The following CHODL variants were observed in gnomAD, a reference collection of about 807,000 sequenced individuals.
The protein encoded by CHODL is transmembrane protein MT75.
CHODL carries 29 observed loss-of-function variants against 34.5 expected under a neutral mutation model. The observed-to-expected ratio is 0.84, with a 90% CI of 0.63 to 1.15. CHODL has a LOEUF of 1.15. Among genes scored for constraint, CHODL ranks in the 50% most tolerant of loss-of-function variants. CHODL has a pLI of 0.00. For synonymous variants in CHODL, 125 were observed against 116.1 expected, an observed-to-expected ratio of 1.08 and a Z score of -0.49; for missense variants, 332 against 332.5, an observed-to-expected ratio of 1.00 and a Z score of 0.01.
rs150973408 is a variant in CHODL at position 18,172,177 on chromosome 21, T to C, written c.-44-84332T>C. On this transcript the variant is annotated intron_variant, in intron 2 of 6. Coordinates refer to the CHODL transcript ENST00000400127. ...CTTTTATTTTTTTTTCTTTTGAGCC[T>C]CTTATTTGCTCCAGTTATTATCCCT... Among the ~76,000 whole-genome samples the C allele has an allele frequency of 1.7e-3, 255 of 152,288 alleles. 1 individual carries two copies. Among genetic ancestry groups the C allele is most frequent in the Admixed American group, 3.6e-3 (55 of 15,304 alleles).
chr21:17,946,438 T>C (rs1006532589), intron 1 of CHODL, among the ~76,000 whole-genome samples: 2 of 152,142 alleles, frequency 1.3e-5, no homozygotes, highest in African/African-American at 4.8e-5. Context: ...AAAGAAAAGC[T>C]GAGAGGGTTC....
chr21:18,028,293 T>A (rs537077900), intron 2 of CHODL, among the ~76,000 whole-genome samples: 1 of 137,948 alleles, frequency 7.2e-6, no homozygotes, highest in East Asian at 2.4e-4. Flanking sequence ...CTTCCTTCCT[T>A]CCTTCCTTCC....
chr21:17,994,983 C>T (rs577056705), intron 1 of CHODL, among the ~76,000 whole-genome samples: 3 of 152,086 alleles, frequency 2.0e-5, no homozygotes, highest in Non-Finnish European at 4.4e-5. Context: ...GGGGCAACCT[C>T]GCTGGTGCAC....
chr21:17,931,483 C>G (rs1018207437), intron 1 of CHODL, among the ~76,000 whole-genome samples: 1 of 152,198 alleles, frequency 6.6e-6, no homozygotes, highest in African/African-American at 2.4e-5. Context: ...AGAACTCTGG[C>G]ACCATGAAGA....
chr21:18,119,639 C>T (rs533389422), intron 2 of CHODL, among the ~76,000 whole-genome samples: 7 of 152,146 alleles, frequency 4.6e-5, no homozygotes, highest in African/African-American at 1.7e-4. Flanking sequence ...AGTTCTTTTT[C>T]AATTAAGAAG....
intron 2 of CHODL, among the ~76,000 whole-genome samples, chr21:18,201,259 A>G (rs1363055762): frequency 6.6e-6 from 1 of 152,104 alleles, no homozygotes; most frequent in African/African-American, 2.4e-5. Flanking sequence ...TACTGTAAGC[A>G]TGTTATTGCC....
chr21:18,075,779 A>G (rs1227867903), intron 2 of CHODL, among the ~76,000 whole-genome samples: 1 of 152,172 alleles, frequency 6.6e-6, no homozygotes, highest in Non-Finnish European at 1.5e-5. Context: ...CCCAAAATGC[A>G]TACAACAAAA....
At chr21:18,109,499 A>T (rs1047735701) in intron 2 of CHODL, among the ~76,000 whole-genome samples, 1 of 152,194 alleles carries the variant, frequency 6.6e-6, no homozygotes, top group African/African-American at 2.4e-5. Flanking sequence ...GCAATGGCTC[A>T]GGAGTGGCCT....
At chr21:18,260,329 G>A in intron 4 of CHODL, 43 bp downstream of exon 4, 1 of 1,264,596 alleles carries the variant, frequency 7.9e-7, no homozygotes, top group Non-Finnish European at 1.1e-6. Flanking sequence ...GAACTGAACT[G>A]TACTTTCAAA....
intron 2 of CHODL, among the ~76,000 whole-genome samples, chr21:18,199,830 A>C (rs2146706498): frequency 6.6e-6 from 1 of 152,252 alleles, no homozygotes; most frequent in Admixed American, 6.5e-5. Context: ...TGGATATACC[A>C]GTTTGTTTGT....
At chr21:18,019,822 G>C (rs1342335951) in intron 1 of CHODL, among the ~76,000 whole-genome samples, 1 of 152,086 alleles carries the variant, frequency 6.6e-6, no homozygotes, top group Non-Finnish European at 1.5e-5. Context: ...TCACACTGAG[G>C]AATCAGCCCG....
chr21:18,066,010 A>G (rs537473044), intron 2 of CHODL, among the ~76,000 whole-genome samples: 25 of 152,186 alleles, frequency 1.6e-4, no homozygotes, highest in Non-Finnish European at 3.2e-4. Flanking sequence ...ATGACCTCCC[A>G]ATATATAAAT....
chr21:18,194,644 A>C (rs928186993), intron 2 of CHODL, among the ~76,000 whole-genome samples: 1 of 151,958 alleles, frequency 6.6e-6, no homozygotes, highest in African/African-American at 2.4e-5. Flanking sequence ...ACAAATAAAA[A>C]TTGTATGCAT....
intron 2 of CHODL, among the ~76,000 whole-genome samples, chr21:18,158,437 G>A (rs78436095): frequency 0.021 from 3,126 of 152,216 alleles, 101 homozygotes; most frequent in African/African-American, 0.07. Context: ...GACTTAATTA[G>A]AAGACAGACC....
intron 2 of CHODL, among the ~76,000 whole-genome samples, chr21:18,155,964 A>G (rs1034823131): frequency 6.6e-6 from 1 of 152,222 alleles, no homozygotes; most frequent in Non-Finnish European, 1.5e-5. Context: ...GGCCCTGTGG[A>G]CATGGAATAC....
intron 2 of CHODL, among the ~76,000 whole-genome samples, chr21:18,074,114 C>T (rs964421952): frequency 6.6e-6 from 1 of 152,040 alleles, no homozygotes; most frequent in Non-Finnish European, 1.5e-5. Flanking sequence ...GAGCTATTGA[C>T]ATCATAATGG....
chr21:17,960,651 T>C (rs371830500), intron 1 of CHODL, among the ~76,000 whole-genome samples: 1 of 152,216 alleles, frequency 6.6e-6, no homozygotes, highest in East Asian at 1.9e-4. Context: ...CTCCTCAAAT[T>C]TGGTGTTTTT....
chr21:18,248,009 C>T (rs1286288685), intron 1 of CHODL, among the ~76,000 whole-genome samples: 1 of 144,260 alleles, frequency 6.9e-6, no homozygotes. Flanking sequence ...TAATGTGTTT[C>T]TTTTTTTTTT....
chr21:18,083,275 A>G (rs1175709292), intron 2 of CHODL, among the ~76,000 whole-genome samples: 1 of 152,228 alleles, frequency 6.6e-6, no homozygotes, highest in Non-Finnish European at 1.5e-5. Flanking sequence ...AGAATTTGGG[A>G]ACCTCTGCCT....
Sources: allele counts gnomAD v4.1 joint callset (sites outside exome capture counted in the v4.1 genomes callset), GRCh38; gene constraint gnomAD v4.1.1; transcripts MANE v1.5; gene names NCBI Gene and HGNC (gene_info 2026-07-23, HGNC 2026-07-21).